The following CCDC88C variants were observed in gnomAD, a reference collection of about 807,000 sequenced individuals.
The protein encoded by CCDC88C is protein Daple.
In CCDC88C, 131 loss-of-function variants were observed where a neutral mutation model predicts 198.8. The observed-to-expected ratio is 0.66, with a 90% CI of 0.57 to 0.76. The LOEUF (loss-of-function observed/expected upper bound fraction) is 0.76, where lower values mean the gene tolerates loss of function less well. CCDC88C is among the 30% of genes least tolerant of loss of function. The probability of loss-of-function intolerance (pLI) is 0.00; values close to 1 mark genes in which losing one functional copy is unlikely to be tolerated. For synonymous variants in CCDC88C, 1,166 were observed against 1,114.7 expected (o/e 1.05, Z -0.92); for missense variants, 2,553 against 2,631.6 (o/e 0.97, Z 0.65).
At chr14:91,415,130 G>A (rs1250463521) in intron 2 of CCDC88C, among the ~76,000 whole-genome samples, 1 of 152,116 alleles carries the variant, frequency 6.6e-6, no homozygotes, top group Non-Finnish European at 1.5e-5. Flanking sequence ...GGTAAGGACA[G>A]GTTGAAGTTT....
At chr14:91,400,715 A>G (rs1268964489) in intron 3 of CCDC88C, among the ~76,000 whole-genome samples, 1 of 152,250 alleles carries the variant, frequency 6.6e-6, no homozygotes, top group Non-Finnish European at 1.5e-5. Flanking sequence ...TGCAATAGCA[A>G]TTTGTTAAAA....
intron 3 of CCDC88C, among the ~76,000 whole-genome samples, chr14:91,363,409 C>T (rs1894397313): frequency 1.3e-5 from 2 of 151,938 alleles, no homozygotes; most frequent in African/African-American, 4.8e-5. Flanking sequence ...CCTTGCCCGG[C>T]CTTTGCATTC....
rs1191953437 is a variant in CCDC88C at position 91,310,006 on chromosome 14, G to A, written c.2737-20C>T. 1 of 1,571,536 alleles carries A rather than the reference G, an allele frequency of 6.4e-7. No individual in the cohort carries two copies. Among genetic ancestry groups the A allele is most frequent in the African/African-American group, 1.3e-5 (1 of 74,108 alleles). On this transcript the variant is annotated intron_variant, in intron 15 of 29. Coordinates refer to ENST00000389857, the MANE Select transcript of CCDC88C (RefSeq NM_001080414.4). ...CAGGTCCTGGAATGATGGGGAGAGA[G>A]CACTGGATAGGAGCTCAGCAAAACA...
rs1350851934 is a variant in CCDC88C, at chr14:91,288,617, A to G, written c.4441+488T>C. 6.5e-6 allele frequency: 1 copy of G among 154,128 alleles called. No homozygotes were observed. The highest frequency in any genetic ancestry group is 1.4e-5 in the Non-Finnish European group (1 of 69,276). The allele number at this position is 154,128 out of a possible 1,614,324, so 9.5% of individuals were successfully genotyped here. On this transcript the variant is annotated intron_variant, in intron 25 of 29. Coordinates refer to ENST00000389857, the MANE Select transcript of CCDC88C (RefSeq NM_001080414.4). This position sits in a 1 kb window ranked among gnomAD's most constrained non-coding sequence, Gnocchi z 4.2. Reference sequence around the variant, plus strand: ...TGATACCTTTTGTTCTAAAACAACAAAAGTGGTTGGGCGTGGCAGCTCACG... The same window carrying G: ...TGATACCTTTTGTTCTAAAACAACAGAAGTGGTTGGGCGTGGCAGCTCACG...
chr14:91,281,051 A>T, intron 27 of CCDC88C: 1 of 418,708 alleles, frequency 2.4e-6, no homozygotes, highest in South Asian at 1.7e-5. Context: ...CTCGAATCCA[A>T]TGACAAGTGC....
chr14:91,332,745 G>A (rs551279522), intron 10 of CCDC88C, among the ~76,000 whole-genome samples: 1 of 152,298 alleles, frequency 6.6e-6, no homozygotes, highest in Non-Finnish European at 1.5e-5. Context: ...CCAAGGAGTC[G>A]AAAAACTCAT....
chr14:91,278,281 T>A (rs1890052551), intron 28 of CCDC88C, 70 bp from the exon 29 acceptor site: 3 of 1,432,816 alleles, frequency 2.1e-6, no homozygotes, highest in Non-Finnish European at 2.8e-6. Context: ...TCTAGAGGCT[T>A]CGTGCTGCCT....
intron 21 of CCDC88C, 144 bp from the exon 22 acceptor site, chr14:91,297,635 T>G: frequency 1.3e-6 from 1 of 782,228 alleles, no homozygotes; most frequent in Non-Finnish European, 2.0e-6. Context: ...GGCTTTTTTT[T>G]TTTTCCATGC....
intron 25 of CCDC88C, among the ~76,000 whole-genome samples, chr14:91,287,736 G>A (rs1279994374): frequency 1.3e-5 from 2 of 151,008 alleles, no homozygotes; most frequent in Non-Finnish European, 2.9e-5. Flanking sequence ...CACTCAGAGG[G>A]TAGCCTGTCG....
rs767595354 is a variant in CCDC88C at position 91,313,567 on chromosome 14, A to G, written c.2249T>C (p.Leu750Pro). Residue 750 changes from leucine to proline, a missense_variant, in exon 15 of 30, where the codon CTG becomes CCG. Physicochemically the swap from Leu to Pro is moderately conservative, Grantham distance 98. Coordinates refer to ENST00000389857, the MANE Select transcript of CCDC88C (RefSeq NM_001080414.4). The surrounding 1 kb of genome is among the most constrained non-coding windows in gnomAD (Gnocchi z 5.2). ...LRKNVDLLKA[L>P]GKKSERLELS... ...CTCCAGGCGCTCTGACTTCTTGCCC[A>G]GCGCCTTGAGCAGATCCACGTTCTT... The G allele has an allele frequency of 1.2e-6, 2 of 1,611,684 alleles. No homozygotes were observed. The highest frequency in any genetic ancestry group is 1.7e-5 in the Admixed American group (1 of 60,028).
chr14:91,272,761 C>A lies in CCDC88C; in HGVS notation c.5951G>T (p.Arg1984Leu). The A allele has an allele frequency of 6.2e-7, 1 of 1,608,020 alleles. No homozygotes were observed. The change falls in exon 30 of 30, where the codon CGG (arginine) becomes CTG (leucine). Residue 1984 changes from arginine (R) to leucine (L), a missense_variant. Arg to Leu is a moderately radical substitution (Grantham distance 102). Around this residue, in one of 2 missense-constraint regions of CCDC88C, gnomAD observed 1,293 missense variants for 1,219.6 expected, o/e 1.06. Transcript: ENST00000389857. ...GAGGTGGGGAGCCAAATCGGGAGAC[C>A]GACCTGGGCTCTTGGCCGGAAGCCC... is the stretch of plus-strand genomic sequence containing the variant. ...SEGLPAKSPG[R>L]SPDLAPHLGR...
At chr14:91,376,555 A>T (rs1884428460) in intron 3 of CCDC88C, among the ~76,000 whole-genome samples, 1 of 152,218 alleles carries the variant, frequency 6.6e-6, no homozygotes, top group African/African-American at 2.4e-5. Flanking sequence ...GGGCACAGGG[A>T]GGCTCTAAAC....
At chr14:91,312,378 A>T (rs1330947073) in intron 15 of CCDC88C, among the ~76,000 whole-genome samples, 1 of 151,698 alleles carries the variant, frequency 6.6e-6, no homozygotes, top group Non-Finnish European at 1.5e-5. Flanking sequence ...ACAAAGCAAG[A>T]TTCTGTCTCA....
At chr14:91,324,050 AAG>A (rs1339861258) in intron 12 of CCDC88C, among the ~76,000 whole-genome samples, 104 of 152,370 alleles carry the variant, frequency 6.8e-4, no homozygotes, top group African/African-American at 2.5e-3. Flanking sequence ...TGGAAAGTCT[AAG>A]TAACTATGAA....
chr14:91,380,305 A>G (rs1233583856), intron 3 of CCDC88C, among the ~76,000 whole-genome samples: 1 of 152,236 alleles, frequency 6.6e-6, no homozygotes, highest in Non-Finnish European at 1.5e-5. Flanking sequence ...GTGTTCAGCT[A>G]GGAGGCGGCA....
intron 25 of CCDC88C, chr14:91,285,358 G>C (rs972489566): frequency 1.6e-5 from 7 of 445,198 alleles, no homozygotes; most frequent in African/African-American, 1.0e-4. Context: ...GCTCGCAGGT[G>C]CAAGAGACGG....
intron 3 of CCDC88C, among the ~76,000 whole-genome samples, chr14:91,375,637 A>C (rs932095156): frequency 1.3e-5 from 2 of 152,108 alleles, no homozygotes; most frequent in Middle Eastern, 3.2e-3. Context: ...CTTCAGGCAA[A>C]TAAAAGCACC....
In CCDC88C at chr14:91,272,785, C is replaced by G. The variant is rs45485795; in HGVS notation, c.5927G>C (p.Gly1976Ala). ...DGVPGQGCSE[G>A]LPAKSPGRSP... is the part of the protein sequence containing the mutation. ...CCGACCTGGGCTCTTGGCCGGAAGCCCCTCACTGCAGCCCTGCCCCGGGAC... is the reference window on the plus strand; with the variant it reads ...CCGACCTGGGCTCTTGGCCGGAAGCGCCTCACTGCAGCCCTGCCCCGGGAC... The change falls in exon 30 of 30, where the codon GGG (glycine) becomes GCG (alanine). Residue 1976 changes from glycine (G) to alanine (A), a missense_variant. Gly to Ala is a moderately conservative substitution (Grantham distance 60). Transcript: ENST00000389857. 2,487 of 1,605,498 alleles carry G rather than the reference C, an allele frequency of 1.5e-3. 2 individuals are homozygous for G. Among genetic ancestry groups the G allele is most frequent in the Non-Finnish European group, 2.0e-3 (2,305 of 1,177,176 alleles).
At chr14:91,335,087 A>C (rs1018713763) in intron 10 of CCDC88C, among the ~76,000 whole-genome samples, 3 of 152,100 alleles carry the variant, frequency 2.0e-5, no homozygotes, top group Non-Finnish European at 4.4e-5. Context: ...GCGTCTCTCC[A>C]ACACCTCCCA....
Sources: allele counts gnomAD v4.1 joint callset (sites outside exome capture counted in the v4.1 genomes callset), GRCh38; gene constraint gnomAD v4.1.1; regional missense constraint gnomAD v4.1.1; non-coding constraint Gnocchi (gnomAD v3.1); transcripts MANE v1.5; gene names NCBI Gene and HGNC (gene_info 2026-07-23, HGNC 2026-07-21).